The following CCDC38 variants were observed in gnomAD, a reference collection of about 807,000 sequenced individuals.
The protein encoded by CCDC38 is coiled-coil domain-containing protein 38.
In CCDC38, 69 loss-of-function variants were observed where a neutral mutation model predicts 72.8. The ratio of observed to expected loss-of-function variants is 0.95; its 90% CI spans 0.78 to 1.16. The LOEUF is 1.16. Among genes scored for constraint, CCDC38 ranks in the 50% most tolerant of loss-of-function variants. The pLI is 0.00. For synonymous variants in CCDC38, 201 were observed against 213.2 expected, an observed-to-expected ratio of 0.94 and a Z score of 0.50; for missense variants, 626 against 638.9, an observed-to-expected ratio of 0.98 and a Z score of 0.22.
chr12:95,872,638 A>C (rs981696618), intron 13 of CCDC38, among the ~76,000 whole-genome samples, 178 bp from the exon 14 acceptor site: 1 of 152,144 alleles, frequency 6.6e-6, no homozygotes, highest in African/African-American at 2.4e-5. Context: ...GCAGTGGTGC[A>C]ATCTCATCTC....
chr12:95,890,470 C>G (rs966096746), intron 9 of CCDC38, among the ~76,000 whole-genome samples: 1 of 152,242 alleles, frequency 6.6e-6, no homozygotes, highest in Non-Finnish European at 1.5e-5. Context: ...CAAAGTCAGT[C>G]ACCTCGTTGC....
At chr12:95,924,481 T>C (rs1423799678) in intron 2 of CCDC38, among the ~76,000 whole-genome samples, 5 of 142,446 alleles carry the variant, frequency 3.5e-5, no homozygotes, top group Admixed American at 7.1e-5. Context: ...TTCTCCCATT[T>C]TGTAGGTTGC....
At position 95,879,686 on chromosome 12, in the gene CCDC38, A is replaced by G. The variant is rs2079676807; in HGVS notation, c.1100T>C (p.Leu367Pro). 3 of 1,606,270 alleles carry G rather than the reference A, an allele frequency of 1.9e-6. No individual in the cohort carries two copies. Among genetic ancestry groups the G allele is most frequent in the Middle Eastern group, 1.7e-4 (1 of 6,032 alleles). The stretch of plus-strand genomic sequence containing the variant: ...TTTTTCTCTTTTGTTTACCTCTTCA[A>G]GATTTTCATCTACATCTTGGGAATA... ...FQYSQDVDEN[L>P]EEVNKREKVI... is the part of the protein sequence containing the mutation. The change falls in exon 12 of 16, where the codon CTT becomes CCT. Residue 367 changes from leucine to proline, a missense_variant. By Grantham distance (98) the Leu-to-Pro change is moderately conservative. Transcript: ENST00000344280. The surrounding 1 kb of genome is among the most constrained non-coding windows in gnomAD (Gnocchi z 5.5).
rs35248029 is a variant in CCDC38 at position 95,898,468 on chromosome 12, GA to G, written c.534-4del. ...TGTTTATTGTTTCCTGTGCTGCCCT[GA>G]AAAGCAATGAAGATCTGTTAATTTG... On this transcript the variant is annotated splice_polypyrimidine_tract_variant and splice_region_variant and intron_variant, in intron 6 of 15. Transcript: ENST00000344280. 1 of 1,613,986 alleles carries G rather than the reference GA, an allele frequency of 6.2e-7. No individual in the cohort carries two copies. Among genetic ancestry groups the G allele is most frequent in the Non-Finnish European group, 8.5e-7 (1 of 1,179,988 alleles).
chr12:95,940,924 G>A (rs2080444154), intron 1 of CCDC38, among the ~76,000 whole-genome samples: 1 of 152,080 alleles, frequency 6.6e-6, no homozygotes, highest in South Asian at 2.1e-4. Flanking sequence ...GAGGAAGGAA[G>A]GATGGGTTAA....
chr12:95,893,108 T>C (rs1012706930), intron 8 of CCDC38, among the ~76,000 whole-genome samples: 22 of 152,224 alleles, frequency 1.4e-4, no homozygotes, highest in Non-Finnish European at 3.1e-4. Context: ...GATACATTTT[T>C]GGTAACATTT....
chr12:95,904,507 G>C (rs1240720334), intron 5 of CCDC38, among the ~76,000 whole-genome samples: 2 of 152,248 alleles, frequency 1.3e-5, no homozygotes, highest in Non-Finnish European at 2.9e-5. Flanking sequence ...CAAAGGAAGA[G>C]ACCCATAAGG....
Position 95,917,866 on chromosome 12 carries a change from CAAAAAAA to C in CCDC38, c.139-579_139-573del, listed in dbSNP as rs34424423. On this transcript the variant is annotated intron_variant, in intron 3 of 15. Coordinates refer to ENST00000344280, the MANE Select transcript of CCDC38 (RefSeq NM_182496.3). ...AGCCTGGGTGACAGAGCAAGACTGT[CAAAAAAA>C]AAAAAAAAAAGGAAATTCTAAGTGT... Among the ~76,000 whole-genome samples the C allele has an allele frequency of 1.7e-3, 167 of 99,170 alleles. 1 individual carries two copies. The highest frequency in any genetic ancestry group is 4.8e-3 in the African/African-American group (154 of 32,322). The allele number at this position is 99,170 out of a possible 152,430, so 65.1% of individuals were successfully genotyped here. A position where few individuals can be genotyped will look rare whatever the true frequency, so the allele number is the denominator to read the frequency against.
intron 9 of CCDC38, among the ~76,000 whole-genome samples, chr12:95,890,365 G>A (rs1592766600): frequency 6.6e-6 from 1 of 152,334 alleles, no homozygotes; most frequent in Admixed American, 6.5e-5. Context: ...GATGGTGATA[G>A]TGAAGGACTT....
Position 95,879,904 on chromosome 12 carries a change from A to G in CCDC38, c.991-109T>C. On this transcript the variant is annotated intron_variant, in intron 11 of 15. Transcript: ENST00000344280. The surrounding 1 kb of genome is among the most constrained non-coding windows in gnomAD (Gnocchi z 5.5). The stretch of plus-strand genomic sequence containing the variant: ...GTAAAGGAAGACAGTTCTAAGGATG[A>G]GGGAGACACAGGTAGGAACTTGTAT... 2.7e-6 allele frequency: 2 copies of G among 746,040 alleles called. No homozygotes were observed. The highest frequency in any genetic ancestry group is 2.5e-5 in the Admixed American group (1 of 39,284). 46.2% of individuals were successfully genotyped at this position (746,040 alleles called of 1,614,324 possible).
Position 95,936,519 on chromosome 12 carries a change from T to C in CCDC38, c.-10A>G. On this transcript the variant is annotated 5_prime_UTR_variant, in exon 2 of 16. Transcript: ENST00000344280. ...ATAAATTTGAGGACATTTTCTTGCC[T>C]GGCCCTGTTGAAAGAAAAAAAAATA... 6.2e-7 allele frequency: 1 copy of C among 1,602,394 alleles called. No individual in the cohort carries two copies. Among genetic ancestry groups the C allele is most frequent in the Non-Finnish European group, 8.5e-7 (1 of 1,177,514 alleles).
At chr12:95,869,746 A>G (rs2079560299) in intron 14 of CCDC38, 173 bp from the exon 15 acceptor site, 4 of 546,434 alleles carry the variant, frequency 7.3e-6, no homozygotes, top group South Asian at 4.8e-5. Context: ...GTAAATCTCG[A>G]CAACAAATAC....
chr12:95,886,215 A>G (rs916721845), intron 10 of CCDC38, among the ~76,000 whole-genome samples: 1 of 152,224 alleles, frequency 6.6e-6, no homozygotes, highest in Non-Finnish European at 1.5e-5. Flanking sequence ...CAATTCAATG[A>G]AAGAAGCCAT....
intron 2 of CCDC38, among the ~76,000 whole-genome samples, chr12:95,930,795 C>T (rs1023668965): frequency 2.6e-5 from 4 of 152,158 alleles, no homozygotes; most frequent in South Asian, 2.1e-4. Flanking sequence ...GCAAACTGGA[C>T]GCTAGGCTCA....
chr12:95,940,424 G>T (rs770053353), intron 1 of CCDC38, among the ~76,000 whole-genome samples: 1 of 151,180 alleles, frequency 6.6e-6, no homozygotes, highest in Non-Finnish European at 1.5e-5. Flanking sequence ...GATATTATTC[G>T]AATCAGTTTA....
At chr12:95,920,711 T>G (rs2080195583) in intron 2 of CCDC38, among the ~76,000 whole-genome samples, 1 of 151,320 alleles carries the variant, frequency 6.6e-6, no homozygotes, top group Admixed American at 6.6e-5. Flanking sequence ...GGATGGGGCC[T>G]AGGGGTTGAT....
intron 2 of CCDC38, among the ~76,000 whole-genome samples, chr12:95,920,936 G>A (rs765708178): frequency 7.1e-5 from 10 of 140,482 alleles, no homozygotes; most frequent in Non-Finnish European, 9.4e-5. Flanking sequence ...CGAGACCAGC[G>A]TGACCAACGT....
Position 95,918,909 on chromosome 12 carries a change from A to G in CCDC38, c.105T>C (p.Leu35=). ...PYKIFFRDLF[L]VKENEMAAKE... is the part of the protein sequence containing the mutation. ...TTGCTGCCATTTCATTTTCTTTGAC[A>G]AGAAAGAGATCTCTGAAAAAGATCT... Residue 35 remains leucine, a synonymous_variant, in exon 3 of 16, where the codon CTT becomes CTC. Coordinates refer to ENST00000344280, the MANE Select transcript of CCDC38 (RefSeq NM_182496.3). 6.2e-7 allele frequency: 1 copy of G among 1,612,026 alleles called. No individual in the cohort carries two copies. Among genetic ancestry groups the G allele is most frequent in the Non-Finnish European group, 8.5e-7 (1 of 1,178,136 alleles).
chr12:95,885,059 G>C (rs2079743260), intron 10 of CCDC38: 1 of 152,170 alleles, frequency 6.6e-6, no homozygotes, highest in Admixed American at 6.5e-5. Context: ...AGCTAGAATA[G>C]CCAACACAGT....
Sources: allele counts gnomAD v4.1 joint callset (sites outside exome capture counted in the v4.1 genomes callset), GRCh38; gene constraint gnomAD v4.1.1; non-coding constraint Gnocchi (gnomAD v3.1); transcripts MANE v1.5; gene names NCBI Gene and HGNC (gene_info 2026-07-23, HGNC 2026-07-21).